The following B4GALT2 variants were observed in gnomAD, a reference collection of about 807,000 sequenced individuals.
B4GALT2 encodes the protein beta-1,4-galactosyltransferase 2.
B4GALT2 carries 18 observed loss-of-function variants against 33.2 expected under a neutral mutation model. The observed-to-expected ratio is 0.54, with a 90% confidence interval of 0.38 to 0.80. B4GALT2 has a LOEUF of 0.80. B4GALT2 is among the 30% of genes least tolerant of loss of function. The pLI, the probability that B4GALT2 is intolerant of heterozygous loss-of-function variation, is 0.00. For synonymous variants in B4GALT2, 214 were observed against 217.6 expected, an observed-to-expected ratio of 0.98 and a Z score of 0.15; for missense variants, 404 against 526.2, an observed-to-expected ratio of 0.77 and a Z score of 2.27.
rs2154303181 is a variant in B4GALT2, at chr1:43,981,201, A to G, written c.41A>G (p.Lys14Arg). ...GGGGGGACGCTGGAGCGCGTCTGCA[A>G]GGCTGTGCTCCTTCTCTGCCTGCTG... ...LLGGTLERVC[K>R]AVLLLCLLHF... Residue 14 changes from lysine to arginine, a missense_variant, in exon 2 of 7, where the codon AAG becomes AGG. Coordinates refer to ENST00000372324, the MANE Select transcript of B4GALT2 (RefSeq NM_003780.5). The surrounding 1 kb of genome is among the most constrained non-coding windows in gnomAD (Gnocchi z 8.1). 2 of 1,602,658 alleles carry G rather than the reference A, an allele frequency of 1.2e-6. No homozygotes were observed. The highest frequency in any genetic ancestry group is 3.3e-5 in the Admixed American group (2 of 60,008).
In B4GALT2 at chr1:43,979,974, C is replaced by T. The variant is rs1180490157; in HGVS notation, c.-53+463C>T. 1.3e-6 allele frequency: 2 copies of T among 1,528,586 alleles called. No individual in the cohort carries two copies. The highest frequency in any genetic ancestry group is 2.4e-5 in the South Asian group (2 of 83,830). The allele number at this position is 1,528,586 out of a possible 1,614,324, so 94.7% of individuals were successfully genotyped here. On this transcript the variant is annotated intron_variant, in intron 1 of 6. Coordinates refer to ENST00000372324, the MANE Select transcript of B4GALT2 (RefSeq NM_003780.5). The surrounding 1 kb of genome is among the most constrained non-coding windows in gnomAD (Gnocchi z 4.8). ...CGGAGGGAGGGTGGGAATGTCTGCA[C>T]GTGGGTCTGGGTGTGAGCTGTCTGA...
intron 3 of B4GALT2, among the ~76,000 whole-genome samples, chr1:43,983,726 A>T (rs1321504878): frequency 6.6e-6 from 1 of 152,164 alleles, no homozygotes; most frequent in Non-Finnish European, 1.5e-5. Context: ...TTTATGAGCC[A>T]TGTGGGAGAG....
rs1362195588 is a variant in B4GALT2, at chr1:43,981,882, G to C, written c.507G>C (p.Leu169Phe). ...RYWLHYLHPI[L>F]RRQRLRYGVY... ...GGCTCCACTATCTACACCCCATCTTGAGGCGGCAGCGGCTGCGCTACGGCG... is the reference window on the plus strand; with the variant it reads ...GGCTCCACTATCTACACCCCATCTTCAGGCGGCAGCGGCTGCGCTACGGCG... Residue 169 changes from leucine (L) to phenylalanine (F), a missense_variant, in exon 3 of 7, where the codon TTG becomes TTC. Leu to Phe is a conservative substitution (Grantham distance 22). Coordinates refer to ENST00000372324, the MANE Select transcript of B4GALT2 (RefSeq NM_003780.5). The surrounding 1 kb of genome is among the most constrained non-coding windows in gnomAD (Gnocchi z 8.1). 3.1e-6 allele frequency: 5 copies of C among 1,613,948 alleles called. No individual in the cohort carries two copies. In the African/African-American group the frequency reaches 4.0e-5, roughly 13 times the overall value.
At chr1:43,985,238 C>T in intron 4 of B4GALT2, 40 bp from the exon 5 acceptor site, 2 of 1,593,426 alleles carry the variant, frequency 1.3e-6, no homozygotes, top group Admixed American at 3.4e-5. Flanking sequence ...CCTGGAGTCC[C>T]CTTGGGACCC....
chr1:43,985,975 C>T (rs1201983036), intron 6 of B4GALT2: 1 of 321,184 alleles, frequency 3.1e-6, no homozygotes, highest in Non-Finnish European at 6.0e-6. Context: ...ACCTGTGGGA[C>T]CCCTGCCGGG....
chr1:43,990,476 G>C lies in B4GALT2; in HGVS notation c.*28G>C, dbSNP rs777270557. On this transcript the variant is annotated 3_prime_UTR_variant, in exon 7 of 7. Transcript: ENST00000372324. ...CTAATGGACAGAGGCTCTCGGTGCC[G>C]AAGATTGCCTGCCAGAGGACTGACC... The C allele has an allele frequency of 1.2e-6, 2 of 1,613,312 alleles. No individual in the cohort carries two copies. Among genetic ancestry groups the C allele is most frequent in the Non-Finnish European group, 1.7e-6 (2 of 1,179,848 alleles).
chr1:43,983,022 G>A (rs187772402), intron 3 of B4GALT2, among the ~76,000 whole-genome samples: 122 of 152,308 alleles, frequency 8.0e-4, no homozygotes, highest in Non-Finnish European at 2.9e-5. Flanking sequence ...AAGGGTTTCC[G>A]CCTTGGCTGT....
chr1:43,986,261 A>G (rs573363706), intron 6 of B4GALT2: 3 of 152,596 alleles, frequency 2.0e-5, no homozygotes, highest in Admixed American at 6.5e-5. Context: ...GTCACACCCA[A>G]TCCGTGCTTT....
Position 43,985,405 on chromosome 1 carries a change from G to T in B4GALT2, c.863+5G>T. 6.8e-7 allele frequency: 1 copy of T among 1,462,564 alleles called. No homozygotes were observed. Among genetic ancestry groups the T allele is most frequent in the Non-Finnish European group, 9.2e-7 (1 of 1,090,450 alleles). 90.6% of individuals were successfully genotyped at this position (1,462,564 alleles called of 1,614,324 possible). On this transcript the variant is annotated splice_donor_5th_base_variant and intron_variant, in intron 5 of 6. Coordinates refer to ENST00000372324, the MANE Select transcript of B4GALT2 (RefSeq NM_003780.5). The stretch of plus-strand genomic sequence containing the variant: ...GGATGATGACATCTTCAACCGGTGA[G>T]TAAGCACGCGGTGGGGAATAGGCTG...
At chr1:43,983,610 T>C (rs1032693940) in intron 3 of B4GALT2, among the ~76,000 whole-genome samples, 1 of 151,932 alleles carries the variant, frequency 6.6e-6, no homozygotes, top group African/African-American at 2.4e-5. Context: ...AATAACCAAT[T>C]AGAGACAACT....
rs370480154 is a variant in B4GALT2 at position 43,990,649 on chromosome 1, T to G, written c.*201T>G. 2 of 693,558 alleles carry G rather than the reference T, an allele frequency of 2.9e-6. No individual in the cohort carries two copies. The highest frequency in any genetic ancestry group is 1.8e-5 in the African/African-American group (1 of 55,452). 43.0% of individuals were successfully genotyped at this position (693,558 alleles called of 1,614,324 possible). A position where few individuals can be genotyped will look rare whatever the true frequency, so the allele number is the denominator to read the frequency against. On this transcript the variant is annotated 3_prime_UTR_variant, in exon 7 of 7. Coordinates refer to ENST00000372324, the MANE Select transcript of B4GALT2 (RefSeq NM_003780.5). ...CTCCTGCCTGGGCAGGCTCTTCAAGTGTGGCCCTCTTTGGAGTCAACCCTC... is the reference window on the plus strand; with the variant it reads ...CTCCTGCCTGGGCAGGCTCTTCAAGGGTGGCCCTCTTTGGAGTCAACCCTC...
At position 43,981,783 on chromosome 1, in the gene B4GALT2, G is replaced by T; in HGVS notation, c.408G>T (p.Pro136=). The T allele has an allele frequency of 1.2e-6, 2 of 1,613,646 alleles. No homozygotes were observed. The highest frequency in any genetic ancestry group is 1.7e-6 in the Non-Finnish European group (2 of 1,180,008). ...PGVLMGGRYT[P]PDCTPAQTVA... The stretch of plus-strand genomic sequence containing the variant: ...TGCTCATGGGCGGCCGATACACACC[G>T]CCCGACTGCACCCCAGCCCAGACGG... Residue 136 remains proline, a synonymous_variant, in exon 3 of 7, where the codon CCG becomes CCT. Coordinates refer to ENST00000372324, the MANE Select transcript of B4GALT2 (RefSeq NM_003780.5). This position sits in a 1 kb window ranked among gnomAD's most constrained non-coding sequence, Gnocchi z 8.1.
At position 43,979,336 on chromosome 1, in the gene B4GALT2, C is replaced by CGCGGCG. The variant is rs747683462; in HGVS notation, c.-205_-200dup. 5.0e-4 allele frequency: 74 copies of CGCGGCG among 146,850 alleles called. No individual in the cohort carries two copies. Among genetic ancestry groups the CGCGGCG allele is most frequent in the South Asian group, 9.0e-4 (5 of 5,546 alleles). The allele number at this position is 146,850 out of a possible 1,614,324, so 9.1% of individuals were successfully genotyped here. ...CCCGGGGCGGCTCGGCTCCATGGCC[C>CGCGGCG]GCGGCGGCGGCGGCGGCGGCGGCGG... On this transcript the variant is annotated 5_prime_UTR_variant, in exon 1 of 7. Transcript: ENST00000372324. This position sits in a 1 kb window ranked among gnomAD's most constrained non-coding sequence, Gnocchi z 4.8.
rs1254028222 is a variant in B4GALT2, at chr1:43,990,579, G to A, written c.*131G>A. 1.3e-5 allele frequency: 17 copies of A among 1,302,358 alleles called. No individual in the cohort carries two copies. The highest frequency in any genetic ancestry group is 2.1e-6 in the Non-Finnish European group (2 of 944,902). The allele number at this position is 1,302,358 out of a possible 1,614,324, so 80.7% of individuals were successfully genotyped here. A position where few individuals can be genotyped will look rare whatever the true frequency, so the allele number is the denominator to read the frequency against. ...TCTGTTTTCCAAGGGTCTTCACTAG[G>A]CCCCCTAGCTACACCTGGAAGTTTC... On this transcript the variant is annotated 3_prime_UTR_variant, in exon 7 of 7. Coordinates refer to ENST00000372324, the MANE Select transcript of B4GALT2 (RefSeq NM_003780.5).
intron 1 of B4GALT2, chr1:43,980,117 T>A (rs1307482599): frequency 7.2e-7 from 1 of 1,394,634 alleles, no homozygotes; most frequent in East Asian, 3.0e-5. Context: ...TGTGTCTGAG[T>A]GTGGGTGACC....
chr1:43,983,012 A>G (rs2085617321), intron 3 of B4GALT2, among the ~76,000 whole-genome samples: 1 of 152,172 alleles, frequency 6.6e-6, no homozygotes, highest in South Asian at 2.1e-4. Context: ...AGGACAGCGC[A>G]AGGGTTTCCG....
chr1:43,980,061 T>C, intron 1 of B4GALT2: 1 of 1,499,586 alleles, frequency 6.7e-7, no homozygotes, highest in African/African-American at 1.4e-5. Context: ...GTGTGGGACT[T>C]AGTGTGTTAC....
intron 1 of B4GALT2, chr1:43,980,175 C>T: frequency 5.8e-6 from 6 of 1,037,838 alleles, no homozygotes; most frequent in Non-Finnish European, 7.8e-6. Flanking sequence ...GTGAGACTCA[C>T]CCTGCTCCCT....
chr1:43,981,947 G>C lies in B4GALT2; in HGVS notation c.549+23G>C. On this transcript the variant is annotated intron_variant, in intron 3 of 6. Coordinates refer to ENST00000372324, the MANE Select transcript of B4GALT2 (RefSeq NM_003780.5). The surrounding 1 kb of genome is among the most constrained non-coding windows in gnomAD (Gnocchi z 8.1). ...CAGGTGCCCATGCGGGGGTCCATGT[G>C]CCTGTTGGTGTATATATGTGGGTTG... 6.2e-7 allele frequency: 1 copy of C among 1,609,664 alleles called. No individual in the cohort carries two copies. Among genetic ancestry groups the C allele is most frequent in the Non-Finnish European group, 8.5e-7 (1 of 1,176,886 alleles).
Sources: allele counts gnomAD v4.1 joint callset (sites outside exome capture counted in the v4.1 genomes callset), GRCh38; gene constraint gnomAD v4.1.1; non-coding constraint Gnocchi (gnomAD v3.1); transcripts MANE v1.5; gene names NCBI Gene and HGNC (gene_info 2026-07-23, HGNC 2026-07-21).